The following WEE1 variants were observed in gnomAD, a reference collection of about 807,000 sequenced individuals.
The protein encoded by WEE1 is WEE1 G2 checkpoint kinase.
Under a neutral mutation model 68.8 loss-of-function variants are expected in WEE1, and 16 were observed. The ratio of observed to expected loss-of-function variants is 0.23; its 90% CI spans 0.16 to 0.35. The LOEUF (loss-of-function observed/expected upper bound fraction) is 0.35. WEE1 is among the 10% of genes least tolerant of loss of function. The pLI is 1.00. For synonymous variants in WEE1, 349 were observed against 318.7 expected, an observed-to-expected ratio of 1.09 and a Z score of -1.01; for missense variants, 651 against 824.1, an observed-to-expected ratio of 0.79 and a Z score of 2.57.
Position 9,588,442 on chromosome 11 carries a change from A to G in WEE1, c.1788-7A>G, listed in dbSNP as rs138669808. 1,980 of 1,560,970 alleles carry G rather than the reference A, an allele frequency of 1.3e-3. 24 individuals are homozygous for G. In the African/African-American group the frequency reaches 0.024, roughly 19 times the overall value. On this transcript the variant is annotated splice_region_variant and splice_polypyrimidine_tract_variant and intron_variant, in intron 10 of 10. Coordinates refer to ENST00000450114, the MANE Select transcript of WEE1 (RefSeq NM_003390.4). ...GAATAATACCTTGTTTTCTATTTTT[A>G]TGTCAGAGAACTCAAGAAAGCACAG...
chr11:9,586,556 C>T lies in WEE1; in HGVS notation c.1578C>T (p.Ile526=). The part of the protein sequence containing the change: ...LPRNGDQWHE[I]RQGRLPRIPQ... ...GAAATGGAGATCAATGGCATGAAAT[C>T]AGACAGGGTAGATTACCTCGGATAC... The change falls in exon 9 of 11, where the codon ATC becomes ATT. Residue 526 remains isoleucine (I), a synonymous_variant. Coordinates refer to ENST00000450114, the MANE Select transcript of WEE1 (RefSeq NM_003390.4). The T allele has an allele frequency of 6.2e-7, 1 of 1,614,150 alleles. No homozygotes were observed. The highest frequency in any genetic ancestry group is 8.5e-7 in the Non-Finnish European group (1 of 1,180,016).
rs372814140 is a variant in WEE1, at chr11:9,576,219, A to AT, written c.783-3dup. The AT allele has an allele frequency of 2.7e-5, 42 of 1,539,880 alleles. No homozygotes were observed. The highest frequency in any genetic ancestry group is 1.5e-4 in the East Asian group (6 of 41,128). ...TCAGATATATTGATAGAAAAATAAC[A>AT]TTTTTTTTAGTTCCTGTGGTGAAGA... is the stretch of plus-strand genomic sequence containing the variant. On this transcript the variant is annotated splice_polypyrimidine_tract_variant and intron_variant, in intron 2 of 10. Transcript: ENST00000450114. This position sits in a 1 kb window ranked among gnomAD's most constrained non-coding sequence, Gnocchi z 4.3.
chr11:9,587,407 A>G (rs1425275316), intron 10 of WEE1, among the ~76,000 whole-genome samples: 1 of 152,212 alleles, frequency 6.6e-6, no homozygotes, highest in Admixed American at 6.5e-5. Context: ...GCAAGTGGTG[A>G]TAGTCCCCAA....
In WEE1 at chr11:9,589,586, A is replaced by G. The variant is rs903627619; in HGVS notation, c.*984A>G. ...TGACATTCCAAGTTTTTCACAAAAT[A>G]TATTTTATCTGTGATTAGCCATTTG... On this transcript the variant is annotated 3_prime_UTR_variant, in exon 11 of 11. Transcript: ENST00000450114. 4.1e-6 allele frequency: 4 copies of G among 985,726 alleles called. No homozygotes were observed. Among genetic ancestry groups the G allele is most frequent in the African/African-American group, 1.7e-5 (1 of 57,240 alleles). The allele number at this position is 985,726 out of a possible 1,614,324, so 61.1% of individuals were successfully genotyped here.
chr11:9,579,521 T>C (rs1433519984), intron 5 of WEE1: 3 of 152,222 alleles, frequency 2.0e-5, no homozygotes, highest in Non-Finnish European at 4.4e-5. Context: ...TATAAACAAG[T>C]GTAGAAAAAT....
chr11:9,582,569 CT>C (rs57302209), intron 6 of WEE1, among the ~76,000 whole-genome samples: 3,692 of 152,118 alleles, frequency 0.024, 152 homozygotes, highest in African/African-American at 0.082. Context: ...TTTCTTCTTT[CT>C]TTTTTTCTTT....
chr11:9,574,291 G>C lies in WEE1; in HGVS notation c.358G>C (p.Gly120Arg). ...EGDSWEEEGF[G>R]SSSPVKSPAA... ...CGACTCGTGGGAGGAGGAGGGCTTCGGCTCCTCGTCGCCGGTCAAGTCGCC... is the reference window on the plus strand; with the variant it reads ...CGACTCGTGGGAGGAGGAGGGCTTCCGCTCCTCGTCGCCGGTCAAGTCGCC... Residue 120 changes from glycine to arginine, a missense_variant, in exon 1 of 11, where the codon GGC becomes CGC. By Grantham distance (125) the Gly-to-Arg change is moderately radical. Transcript: ENST00000450114. This position sits in a 1 kb window ranked among gnomAD's most constrained non-coding sequence, Gnocchi z 4.9. 8.0e-7 allele frequency: 1 copy of C among 1,257,588 alleles called. No homozygotes were observed. The highest frequency in any genetic ancestry group is 1.0e-6 in the Non-Finnish European group (1 of 1,001,052). 77.9% of individuals were successfully genotyped at this position (1,257,588 alleles called of 1,614,324 possible). A position where few individuals can be genotyped will look rare whatever the true frequency, so the allele number is the denominator to read the frequency against.
rs201194150 is a variant in WEE1 at position 9,588,511 on chromosome 11, G to C, written c.1850G>C (p.Arg617Pro). The C allele has an allele frequency of 6.2e-7, 1 of 1,612,182 alleles. No homozygotes were observed. Among genetic ancestry groups the C allele is most frequent in the Non-Finnish European group, 8.5e-7 (1 of 1,179,622 alleles). ...AAEERALFTD[R>P]MATRSTTQSN... ...GAGGAAAGAGCACTCTTCACTGACC[G>C]GATGGCCACTAGGTCCACCACCCAG... Residue 617 changes from arginine to proline, a missense_variant, in exon 11 of 11, where the codon CGG (arginine) becomes CCG (proline). Physicochemically the swap from Arg to Pro is moderately radical, Grantham distance 103 (BLOSUM62 -2). Transcript: ENST00000450114.
Position 9,574,492 on chromosome 11 carries a change from AC to A in WEE1, c.563del (p.Pro188ArgfsTer46). On this transcript the variant is annotated frameshift_variant, in exon 1 of 11. Transcript: ENST00000450114. LOFTEE classifies it high-confidence loss of function. The surrounding 1 kb of genome is among the most constrained non-coding windows in gnomAD (Gnocchi z 4.9). ...CTTCCGCAAGCTGCGACTCTTCGACACCCCGCACACGCCCAAGGTGAGAGCG... is the reference window on the plus strand; with the variant it reads ...CTTCCGCAAGCTGCGACTCTTCGACACCCGCACACGCCCAAGGTGAGAGCG... The part of the protein sequence containing the change: ...KTFRKLRLFD[T>X]PHTPKSLLSK... The A allele has an allele frequency of 8.0e-7, 1 of 1,250,924 alleles. No individual in the cohort carries two copies. The allele number at this position is 1,250,924 out of a possible 1,614,324, so 77.5% of individuals were successfully genotyped here.
At position 9,574,518 on chromosome 11, in the gene WEE1, GGCGGGC is replaced by G; in HGVS notation, c.576+16_576+21del. ...CCCCGCACACGCCCAAGGTGAGAGC[GGCGGGC>G]GCGGGCACCCGGCGGCCGGGGCCGC... On this transcript the variant is annotated intron_variant, in intron 1 of 10. Coordinates refer to ENST00000450114, the MANE Select transcript of WEE1 (RefSeq NM_003390.4). This position sits in a 1 kb window ranked among gnomAD's most constrained non-coding sequence, Gnocchi z 4.9. 8.3e-7 allele frequency: 1 copy of G among 1,207,364 alleles called. No homozygotes were observed. The highest frequency in any genetic ancestry group is 1.6e-5 in the African/African-American group (1 of 62,412). 74.8% of individuals were successfully genotyped at this position (1,207,364 alleles called of 1,614,324 possible). A position where few individuals can be genotyped will look rare whatever the true frequency, so the allele number is the denominator to read the frequency against.
rs1849546174 is a variant in WEE1, at chr11:9,574,812, C to T, written c.576+303C>T. 5 of 999,484 alleles carry T rather than the reference C, an allele frequency of 5.0e-6. No individual in the cohort carries two copies. In the African/African-American group the frequency reaches 8.7e-5, roughly 17 times the overall value. The allele number at this position is 999,484 out of a possible 1,614,324, so 61.9% of individuals were successfully genotyped here. ...GCCCCGAGCGTGTCAGCCCCGAGTG[C>T]GGCACCGATAACGCGGTTCGCGAGG... is the stretch of plus-strand genomic sequence containing the variant. On this transcript the variant is annotated intron_variant, in intron 1 of 10. Transcript: ENST00000450114. The surrounding 1 kb of genome is among the most constrained non-coding windows in gnomAD (Gnocchi z 4.9).
chr11:9,574,956 T>A lies in WEE1; in HGVS notation c.576+447T>A. ...GCAGAAGGAGTTTAAAGAAAAATAA[T>A]TGTCCCGCCCTGATCGTGTCGTGTC... On this transcript the variant is annotated intron_variant, in intron 1 of 10. Coordinates refer to ENST00000450114, the MANE Select transcript of WEE1 (RefSeq NM_003390.4). This position sits in a 1 kb window ranked among gnomAD's most constrained non-coding sequence, Gnocchi z 4.9. 28 of 985,540 alleles carry A rather than the reference T, an allele frequency of 2.8e-5. No homozygotes were observed. The highest frequency in any genetic ancestry group is 3.1e-5 in the Non-Finnish European group (26 of 830,038). The allele number at this position is 985,540 out of a possible 1,614,324, so 61.0% of individuals were successfully genotyped here. A position where few individuals can be genotyped will look rare whatever the true frequency, so the allele number is the denominator to read the frequency against.
chr11:9,577,889 A>G, intron 5 of WEE1: 1 of 456,256 alleles, frequency 2.2e-6, no homozygotes, highest in South Asian at 1.5e-5. Flanking sequence ...TATAGCTTTC[A>G]GTTTCGGTAA....
intron 6 of WEE1, among the ~76,000 whole-genome samples, chr11:9,583,788 CACACACACACACACATATATATATATAT>C (rs1849663128): frequency 3.3e-5 from 1 of 30,710 alleles, no homozygotes; most frequent in African/African-American, 1.2e-4. Context: ...CACACACACA[CACACACACACACACATATATATATATAT>C]ATATATATAT....
At chr11:9,577,085 C>T in intron 4 of WEE1, 57 bp from the exon 5 acceptor site, 2 of 1,519,956 alleles carry the variant, frequency 1.3e-6, no homozygotes, top group Non-Finnish European at 1.8e-6. Context: ...TAAATTAATT[C>T]AGTTTAAGCT....
At chr11:9,580,118 A>G (rs1406754163) in intron 5 of WEE1, 1 of 152,242 alleles carries the variant, frequency 6.6e-6, no homozygotes, top group Non-Finnish European at 1.5e-5. Context: ...CTATACTAAA[A>G]TACTGTCTTT....
In WEE1 at chr11:9,577,133, T is replaced by A. The variant is rs971062915; in HGVS notation, c.1020-9T>A. ...ATTTACCATTCTATTAATCTCAAAT[T>A]TCTTCTAGGCAGAACGCTTTGAGAG... On this transcript the variant is annotated splice_polypyrimidine_tract_variant and intron_variant, in intron 4 of 10. Transcript: ENST00000450114. The A allele has an allele frequency of 6.3e-7, 1 of 1,593,346 alleles. No individual in the cohort carries two copies. The highest frequency in any genetic ancestry group is 1.7e-4 in the Middle Eastern group (1 of 5,974).
intron 6 of WEE1, 30 bp from the exon 7 acceptor site, chr11:9,585,228 G>C (rs1263254006): frequency 6.7e-6 from 10 of 1,487,816 alleles, no homozygotes; most frequent in Non-Finnish European, 9.3e-6. Context: ...ATTATTATTA[G>C]TTTGGCTTAC....
At position 9,574,022 on chromosome 11, in the gene WEE1, G is replaced by T; in HGVS notation, c.89G>T (p.Cys30Phe). 4 of 1,275,724 alleles carry T rather than the reference G, an allele frequency of 3.1e-6. No individual in the cohort carries two copies. The highest frequency in any genetic ancestry group is 3.0e-6 in the Non-Finnish European group (3 of 1,010,490). 79.0% of individuals were successfully genotyped at this position (1,275,724 alleles called of 1,614,324 possible). ...CGGCAGAAGCTGATCTTCTCGCCCT[G>T]CAGCGACTGTGAGGAGGAGGAAGAA... ...TLRQKLIFSP[C>F]SDCEEEEEEE... Residue 30 changes from cysteine to phenylalanine, a missense_variant, in exon 1 of 11, where the codon TGC (cysteine) becomes TTC (phenylalanine). By Grantham distance (205) the Cys-to-Phe change is radical. Around this residue, in one of 5 missense-constraint regions of WEE1, gnomAD observed 395 missense variants for 378.4 expected, o/e 1.04. Coordinates refer to ENST00000450114, the MANE Select transcript of WEE1 (RefSeq NM_003390.4). The surrounding 1 kb of genome is among the most constrained non-coding windows in gnomAD (Gnocchi z 4.9).
Sources: allele counts gnomAD v4.1 joint callset (sites outside exome capture counted in the v4.1 genomes callset), GRCh38; gene constraint gnomAD v4.1.1; regional missense constraint gnomAD v4.1.1; non-coding constraint Gnocchi (gnomAD v3.1); transcripts MANE v1.5; gene names NCBI Gene and HGNC (gene_info 2026-07-23, HGNC 2026-07-21).